The following MEI4 variants were observed in gnomAD, a reference collection of about 807,000 sequenced individuals.
MEI4 encodes meiosis-specific protein MEI4.
In MEI4, 27 loss-of-function variants were observed where a neutral mutation model predicts 31.4. That is an observed-to-expected ratio of 0.86 (90% CI 0.63 to 1.19). The LOEUF (loss-of-function observed/expected upper bound fraction) is 1.19. MEI4 is among the 50% of genes most tolerant of loss of function. The pLI, the probability that MEI4 is intolerant of heterozygous loss-of-function variation, is 0.00. For synonymous variants in MEI4, 122 were observed against 145.4 expected (o/e 0.84, Z 1.16); for missense variants, 329 against 398.9 (o/e 0.82, Z 1.49).
intron 4 of MEI4, among the ~76,000 whole-genome samples, chr6:77,842,475 C>T (rs1404722145): frequency 1.3e-5 from 2 of 150,860 alleles, no homozygotes; most frequent in East Asian, 3.9e-4. Context: ...ATATAAGAAA[C>T]TAGAATAGCA....
At position 77,840,753 on chromosome 6, in the gene MEI4, A is replaced by G. The variant is rs114043542; in HGVS notation, c.900+11691A>G. 8.4e-3 allele frequency among the ~76,000 whole-genome samples: 1,276 copies of G among 152,194 alleles called. 15 individuals carry two copies. The highest frequency in any genetic ancestry group is 0.028 in the African/African-American group (1,157 of 41,534). ...AAATGAACATTGTAATTACCCATCT[A>G]TTTCTTTTTATAGATGCCAGAGAAA... On this transcript the variant is annotated intron_variant, in intron 4 of 4. Transcript: ENST00000684080.
chr6:77,825,859 A>T (rs1582187685), intron 3 of MEI4, among the ~76,000 whole-genome samples: 1 of 152,210 alleles, frequency 6.6e-6, no homozygotes, highest in African/African-American at 2.4e-5. Flanking sequence ...TTTAAAAAAC[A>T]TTATAGTAGG....
chr6:77,823,174 T>TA (rs1262288127), intron 3 of MEI4, among the ~76,000 whole-genome samples: 30 of 152,264 alleles, frequency 2.0e-4, no homozygotes, highest in Admixed American at 1.9e-3. Flanking sequence ...TAAAACAACA[T>TA]TTTATGTAAT....
intron 4 of MEI4, among the ~76,000 whole-genome samples, chr6:77,874,517 G>A (rs1056654705): frequency 9.9e-5 from 15 of 152,084 alleles, no homozygotes; most frequent in African/African-American, 3.1e-4. Flanking sequence ...TGAGACAATG[G>A]GGTTTTCTAG....
chr6:77,883,462 C>A (rs138188621), intron 4 of MEI4, among the ~76,000 whole-genome samples: 1 of 151,518 alleles, frequency 6.6e-6, no homozygotes, highest in Non-Finnish European at 1.5e-5. Context: ...CGCCTCCCCC[C>A]GTGAGCCTCT....
intron 2 of MEI4, among the ~76,000 whole-genome samples, chr6:77,751,519 A>G (rs1767774886): frequency 6.6e-6 from 1 of 152,166 alleles, no homozygotes; most frequent in African/African-American, 2.4e-5. Flanking sequence ...AATCTAGAAG[A>G]ATTGGGTAAG....
chr6:77,871,015 G>A (rs1416546775), intron 4 of MEI4, among the ~76,000 whole-genome samples: 7 of 151,974 alleles, frequency 4.6e-5, no homozygotes, highest in African/African-American at 1.4e-4. Flanking sequence ...ATAATGATAC[G>A]GCTCATTTTT....
At chr6:77,854,322 T>C (rs1325191968) in intron 4 of MEI4, among the ~76,000 whole-genome samples, 1 of 54,278 alleles carries the variant, frequency 1.8e-5, no homozygotes, top group African/African-American at 1.3e-4. Context: ...TTTAAAATGT[T>C]TTTCTTAAAA....
In MEI4 at chr6:77,828,863, A is replaced by G. The variant is rs1359458012; in HGVS notation, c.769-68A>G. Reference sequence around the variant, plus strand: ...TCCTCACAGCATTTAGCTCAGTAGTAAGGTCTTAGAAAATACATTTTGATT... The same window carrying G: ...TCCTCACAGCATTTAGCTCAGTAGTGAGGTCTTAGAAAATACATTTTGATT... On this transcript the variant is annotated intron_variant, in intron 3 of 4. Coordinates refer to ENST00000684080, the MANE Select transcript of MEI4 (RefSeq NM_001322247.2). 1.1e-5 allele frequency: 13 copies of G among 1,146,076 alleles called. No homozygotes were observed. In the East Asian group the frequency reaches 2.9e-4, roughly 25 times the overall value. The allele number at this position is 1,146,076 out of a possible 1,614,324, so 71.0% of individuals were successfully genotyped here.
chr6:77,658,135 TG>T (rs1768431719), intron 1 of MEI4, among the ~76,000 whole-genome samples: 1 of 152,086 alleles, frequency 6.6e-6, no homozygotes, highest in South Asian at 2.1e-4. Flanking sequence ...CGAAGGGTGG[TG>T]GATTATCGTT....
intron 4 of MEI4, among the ~76,000 whole-genome samples, chr6:77,867,356 A>G (rs539041417): frequency 9.5e-4 from 145 of 152,338 alleles, no homozygotes; most frequent in Non-Finnish European, 1.7e-3. Context: ...AGAATCTACA[A>G]TGAACTCAAA....
intron 2 of MEI4, among the ~76,000 whole-genome samples, chr6:77,724,997 T>C (rs1395648029): frequency 7.2e-6 from 1 of 139,514 alleles, no homozygotes; most frequent in Non-Finnish European, 1.6e-5. Context: ...CTAAAGCTGC[T>C]TTAATAATGG....
intron 1 of MEI4, among the ~76,000 whole-genome samples, chr6:77,655,784 GAGATTT>G (rs1768383814): frequency 2.6e-5 from 4 of 152,204 alleles, no homozygotes; most frequent in African/African-American, 9.6e-5. Context: ...AGTAGACTCA[GAGATTT>G]TTAGTATCTT....
chr6:77,833,521 CTT>C (rs1770133029), intron 4 of MEI4, among the ~76,000 whole-genome samples: 1 of 152,118 alleles, frequency 6.6e-6, no homozygotes, highest in South Asian at 2.1e-4. Context: ...TATGTTATCT[CTT>C]AATATTTTAC....
intron 4 of MEI4, among the ~76,000 whole-genome samples, chr6:77,888,382 T>C (rs1247894815): frequency 6.6e-6 from 1 of 151,992 alleles, no homozygotes; most frequent in Non-Finnish European, 1.5e-5. Context: ...TTCCTGACTT[T>C]CTTAATGGCA....
intron 3 of MEI4, among the ~76,000 whole-genome samples, chr6:77,791,119 T>C (rs1005109460): frequency 1.6e-4 from 25 of 152,134 alleles, no homozygotes; most frequent in African/African-American, 6.0e-4. Flanking sequence ...TGGAAGTCAG[T>C]GTGGCGATTC....
At chr6:77,738,796 G>A (rs1162403718) in intron 2 of MEI4, among the ~76,000 whole-genome samples, 2 of 152,212 alleles carry the variant, frequency 1.3e-5, no homozygotes, top group Non-Finnish European at 2.9e-5. Context: ...ACTGGTGTGA[G>A]ATGGTAGCTC....
intron 3 of MEI4, among the ~76,000 whole-genome samples, chr6:77,782,652 T>C (rs947431170): frequency 1.3e-5 from 2 of 152,126 alleles, no homozygotes; most frequent in Non-Finnish European, 1.5e-5. Context: ...TAGAAAGCAA[T>C]GAGAAGATTG....
At chr6:77,866,335 T>C (rs1582232837) in intron 4 of MEI4, among the ~76,000 whole-genome samples, 3 of 152,186 alleles carry the variant, frequency 2.0e-5, no homozygotes, top group Admixed American at 6.5e-5. Flanking sequence ...AAAACCCCAT[T>C]GTCTCAGCCC....
Sources: allele counts gnomAD v4.1 joint callset (sites outside exome capture counted in the v4.1 genomes callset), GRCh38; gene constraint gnomAD v4.1.1; transcripts MANE v1.5; gene names NCBI Gene and HGNC (gene_info 2026-07-23, HGNC 2026-07-21).